FOXP1: variants seen among roughly 807,000 people sequenced by gnomAD.
FOXP1 encodes the protein forkhead box protein P1.
Under a neutral mutation model 98.2 loss-of-function variants are expected in FOXP1, and 15 were observed. The ratio of observed to expected loss-of-function variants is 0.15; its 90% confidence interval spans 0.10 to 0.24. The LOEUF (loss-of-function observed/expected upper bound fraction) is 0.24, where lower values mean the gene tolerates loss of function less well. Ranked by LOEUF, FOXP1 falls within the 10% of genes least tolerant of loss-of-function variation. FOXP1 has a pLI of 1.00. For synonymous variants in FOXP1, 371 were observed against 314.5 expected, an observed-to-expected ratio of 1.18 and a Z score of -1.90; for missense variants, 633 against 848.5, an observed-to-expected ratio of 0.75 and a Z score of 3.15.
At chr3:71,135,859 C>G (rs2059798152) in intron 6 of FOXP1, among the ~76,000 whole-genome samples, 1 of 152,156 alleles carries the variant, frequency 6.6e-6, no homozygotes, top group Non-Finnish European at 1.5e-5. Context: ...TTTAACTCTT[C>G]AAGGGCCAGG....
intron 3 of FOXP1, among the ~76,000 whole-genome samples, chr3:71,436,728 G>A (rs1170550203): frequency 6.6e-6 from 1 of 152,098 alleles, no homozygotes; most frequent in East Asian, 1.9e-4. Flanking sequence ...CGAGAATGAT[G>A]ATGAGAATAC....
At chr3:71,076,151 A>G (rs1270047173) in intron 7 of FOXP1, among the ~76,000 whole-genome samples, 1 of 152,010 alleles carries the variant, frequency 6.6e-6, no homozygotes, top group Non-Finnish European at 1.5e-5. Flanking sequence ...CTCACGGTGG[A>G]GCCTGTCTCC....
chr3:71,051,891 A>G (rs752574949), intron 9 of FOXP1, among the ~76,000 whole-genome samples: 1 of 152,210 alleles, frequency 6.6e-6, no homozygotes, highest in South Asian at 2.1e-4. Context: ...AGTTATGGAC[A>G]CTACCAAGCG....
intron 5 of FOXP1, among the ~76,000 whole-genome samples, chr3:71,215,196 C>T (rs1050054049): frequency 2.0e-5 from 3 of 152,198 alleles, no homozygotes; most frequent in African/African-American, 7.2e-5. Context: ...AACAAGATAT[C>T]CCACCACTCC....
chr3:71,503,611 A>AAC (rs1214136795), intron 2 of FOXP1, among the ~76,000 whole-genome samples: 5 of 151,630 alleles, frequency 3.3e-5, no homozygotes, highest in Non-Finnish European at 7.4e-5. Flanking sequence ...GAAAAAAAAA[A>AAC]AAAAAAAAAA....
At chr3:71,323,633 C>T (rs1441310601) in intron 4 of FOXP1, among the ~76,000 whole-genome samples, 2 of 152,096 alleles carry the variant, frequency 1.3e-5, no homozygotes, top group African/African-American at 4.8e-5. Flanking sequence ...CGGAGCACCT[C>T]GTAAAAAGGC....
At position 71,201,746 on chromosome 3, in the gene FOXP1, C is replaced by T. The variant is rs186517168; in HGVS notation, c.-11-3354G>A. The stretch of plus-strand genomic sequence containing the variant: ...GTAGCAAGGAAATCCATCTAATTAT[C>T]GGGATATATCTCAAATATATATAAA... On this transcript the variant is annotated intron_variant, in intron 5 of 20. Transcript: ENST00000649528. Among the ~76,000 whole-genome samples the T allele has an allele frequency of 8.4e-4, 127 of 151,846 alleles. 3 individuals carry two copies. The highest frequency in any genetic ancestry group is 3.4e-3 in the Middle Eastern group (1 of 294).
At chr3:71,209,635 A>G (rs2064305085) in intron 5 of FOXP1, among the ~76,000 whole-genome samples, 1 of 152,244 alleles carries the variant, frequency 6.6e-6, no homozygotes, top group South Asian at 2.1e-4. Context: ...AGAATGAACA[A>G]TAAGTTCGGT....
chr3:71,247,367 C>T (rs1035046063), intron 5 of FOXP1, among the ~76,000 whole-genome samples: 7 of 152,136 alleles, frequency 4.6e-5, no homozygotes, highest in African/African-American at 1.7e-4. Context: ...CTTCCCTGGG[C>T]AGGGAGAAAC....
chr3:71,502,489 C>A (rs1231917238), intron 2 of FOXP1, among the ~76,000 whole-genome samples: 2 of 152,160 alleles, frequency 1.3e-5, no homozygotes, highest in African/African-American at 4.8e-5. Context: ...TTGTTTTTCA[C>A]ACTTTTAAAT....
chr3:71,302,382 C>G (rs539904427), intron 4 of FOXP1, among the ~76,000 whole-genome samples: 61 of 151,984 alleles, frequency 4.0e-4, no homozygotes, highest in Middle Eastern at 3.2e-3. Flanking sequence ...TACAACTTCC[C>G]TTTCCAATAC....
At chr3:71,537,280 A>C (rs2044377990) in intron 2 of FOXP1, among the ~76,000 whole-genome samples, 1 of 152,212 alleles carries the variant, frequency 6.6e-6, no homozygotes, top group Non-Finnish European at 1.5e-5. Flanking sequence ...TAGGGTCAAA[A>C]GGTGGCCGAG....
chr3:71,525,331 G>GT (rs2043294054), intron 2 of FOXP1, among the ~76,000 whole-genome samples: 1 of 152,194 alleles, frequency 6.6e-6, no homozygotes, highest in Admixed American at 6.5e-5. Flanking sequence ...ATTATGGGCT[G>GT]CTACAAAATA....
intron 3 of FOXP1, among the ~76,000 whole-genome samples, chr3:71,445,176 G>A (rs1229687550): frequency 1.3e-5 from 2 of 152,134 alleles, no homozygotes; most frequent in South Asian, 2.1e-4. Context: ...CAATGAGGAG[G>A]CCAAGTGTGG....
chr3:71,040,222 T>G (rs1209846205), intron 11 of FOXP1: 2 of 152,066 alleles, frequency 1.3e-5, no homozygotes, highest in East Asian at 3.8e-4. Flanking sequence ...TACTCAATAT[T>G]TTGAGAAATA....
chr3:71,505,296 GGTA>G (rs1254057202), intron 2 of FOXP1, among the ~76,000 whole-genome samples: 3 of 152,042 alleles, frequency 2.0e-5, no homozygotes, highest in African/African-American at 7.2e-5. Flanking sequence ...AGTCACCCCT[GGTA>G]GTGCAGCTTG....
intron 12 of FOXP1, among the ~76,000 whole-genome samples, chr3:71,008,201 A>C (rs115057427): frequency 0.022 from 3,361 of 152,262 alleles, 116 homozygotes; most frequent in African/African-American, 0.077. Flanking sequence ...TTTACCTTCT[A>C]AGTTAAAAAC....
At chr3:71,270,770 A>C (rs962829944) in intron 5 of FOXP1, among the ~76,000 whole-genome samples, 1 of 152,148 alleles carries the variant, frequency 6.6e-6, no homozygotes, top group African/African-American at 2.4e-5. Context: ...TTGGCCAATA[A>C]ATTTTTCTGG....
chr3:71,280,865 T>A (rs1428408167), intron 5 of FOXP1, among the ~76,000 whole-genome samples: 1 of 151,706 alleles, frequency 6.6e-6, no homozygotes, highest in African/African-American at 2.4e-5. Context: ...TTTGTTATGA[T>A]AAGAGTTATC....
Sources: allele counts gnomAD v4.1 joint callset (sites outside exome capture counted in the v4.1 genomes callset), GRCh38; gene constraint gnomAD v4.1.1; transcripts MANE v1.5; gene names NCBI Gene and HGNC (gene_info 2026-07-23, HGNC 2026-07-21).